SLC18B1: variants seen among roughly 807,000 people sequenced by gnomAD.
SLC18B1 encodes MFS-type transporter SLC18B1.
Under a neutral mutation model 53.9 loss-of-function variants are expected in SLC18B1, and 62 were observed. The observed-to-expected ratio is 1.15, with a 90% CI of 0.94 to 1.42. The LOEUF (loss-of-function observed/expected upper bound fraction) is 1.42, where lower values mean the gene tolerates loss of function less well. Among genes scored for constraint, SLC18B1 ranks in the 40% most tolerant of loss-of-function variants. The probability of loss-of-function intolerance (pLI) is 0.00; values close to 1 mark genes in which losing one functional copy is unlikely to be tolerated. For missense variants in SLC18B1, 598 were observed against 547.3 expected (o/e 1.09, Z -0.93); for synonymous variants, 217 against 200.9 (o/e 1.08, Z -0.68).
At chr6:132,796,254 C>T (rs1253481633) in intron 2 of SLC18B1, among the ~76,000 whole-genome samples, 8 of 147,248 alleles carry the variant, frequency 5.4e-5, no homozygotes, top group Admixed American at 4.8e-4. Context: ...ACTTGGGAGG[C>T]TGAGGCAGGA....
intron 10 of SLC18B1, 39 bp from the exon 11 acceptor site, chr6:132,772,245 A>T: frequency 7.3e-7 from 1 of 1,367,912 alleles, no homozygotes; most frequent in Non-Finnish European, 9.8e-7. Context: ...TATTAAAAGG[A>T]AAACCTGTGT....
rs568918230 is a variant in SLC18B1, at chr6:132,770,295, G to C, written c.1346C>G (p.Thr449Ser). 2.5e-6 allele frequency: 4 copies of C among 1,613,842 alleles called. No individual in the cohort carries two copies. In the South Asian group the frequency reaches 4.4e-5, roughly 18 times the overall value. ...CTAGGTTTCATTAGGCAAGAGAGTA[G>C]TTCGTTCCTCCTCTGTGCTGAGGAT... is the stretch of plus-strand genomic sequence containing the variant. ...QNILSTEEER[T>S]TLLPNET The change falls in exon 14 of 14, where the codon ACT becomes AGT. Residue 449 changes from threonine (T) to serine (S), a missense_variant. By Grantham distance (58) the Thr-to-Ser change is moderately conservative. Coordinates refer to ENST00000275227, the MANE Select transcript of SLC18B1 (RefSeq NM_052831.3).
chr6:132,782,044 C>G (rs1781250766), intron 6 of SLC18B1, among the ~76,000 whole-genome samples: 1 of 151,658 alleles, frequency 6.6e-6, no homozygotes, highest in African/African-American at 2.4e-5. Flanking sequence ...AAAAAGTACT[C>G]AGGTGTGGTG....
chr6:132,788,745 C>A (rs1047623987), intron 4 of SLC18B1, among the ~76,000 whole-genome samples: 2 of 150,908 alleles, frequency 1.3e-5, no homozygotes, highest in African/African-American at 4.9e-5. Flanking sequence ...GTGGCTTGAA[C>A]CTGGGAGGTG....
chr6:132,794,106 A>ATT (rs1405294283), intron 2 of SLC18B1, among the ~76,000 whole-genome samples: 47 of 135,494 alleles, frequency 3.5e-4, no homozygotes, highest in African/African-American at 1.1e-3. Flanking sequence ...TTTTTTTTTT[A>ATT]ATTTTTTTTT....
intron 8 of SLC18B1, among the ~76,000 whole-genome samples, chr6:132,775,339 G>A (rs1351911054): frequency 6.6e-6 from 1 of 152,156 alleles, no homozygotes; most frequent in Non-Finnish European, 1.5e-5. Context: ...TTTTGTTATA[G>A]TATCCTGAAT....
chr6:132,783,890 A>T, intron 6 of SLC18B1, 43 bp downstream of exon 6: 1 of 1,401,334 alleles, frequency 7.1e-7, no homozygotes. Flanking sequence ...AGGTATAAAA[A>T]TATATTTAAG....
intron 4 of SLC18B1, 115 bp from the exon 5 acceptor site, chr6:132,787,696 C>A: frequency 1.1e-6 from 1 of 874,628 alleles, no homozygotes; most frequent in South Asian, 3.7e-5. Context: ...TTAGAATAAA[C>A]CGCTTTAGAA....
chr6:132,784,086 T>C lies in SLC18B1; in HGVS notation c.505A>G (p.Ser169Gly). 1 of 1,557,748 alleles carries C rather than the reference T, an allele frequency of 6.4e-7. No homozygotes were observed. The highest frequency in any genetic ancestry group is 1.7e-4 in the Middle Eastern group (1 of 5,824). ...FPNNVATVLG[S>G]LETFSGLGLI... ...CCCAGTCCAGAAAAAGTCTCAAGAC[T>C]TCCCTTAAAATGAGAAAAAGAAAAA... The change falls in exon 6 of 14, where the codon AGT (serine) becomes GGT (glycine). Residue 169 changes from serine to glycine, a missense_variant. Transcript: ENST00000275227.
At chr6:132,791,343 CT>C (rs577243903) in intron 2 of SLC18B1, among the ~76,000 whole-genome samples, 1 of 152,216 alleles carries the variant, frequency 6.6e-6, no homozygotes, top group Non-Finnish European at 1.5e-5. Context: ...TACTTTTGCA[CT>C]CTTCAACATC....
chr6:132,771,179 T>C, intron 11 of SLC18B1, 50 bp from the exon 12 acceptor site: 1 of 1,502,760 alleles, frequency 6.7e-7, no homozygotes, highest in Non-Finnish European at 9.2e-7. Flanking sequence ...AAATAAATAA[T>C]TACTTCATGA....
In SLC18B1 at chr6:132,797,089, G is replaced by A. The variant is rs1781713338; in HGVS notation, c.76C>T (p.Pro26Ser). 1 of 1,614,034 alleles carries A rather than the reference G, an allele frequency of 6.2e-7. No individual in the cohort carries two copies. The highest frequency in any genetic ancestry group is 8.5e-7 in the Non-Finnish European group (1 of 1,180,010). The change falls in exon 2 of 14, where the codon CCC becomes TCC. Residue 26 changes from proline (P) to serine (S), a missense_variant. Physicochemically the swap from Pro to Ser is moderately conservative, Grantham distance 74. Transcript: ENST00000275227. ...DDPAGSAGET[P>S]GWLSREQVFV... ...ACCTGTTCTCTCGAAAGCCACCCGG[G>A]GGTCTCTCCTGCACTTCCTGCAGGA...
At chr6:132,783,606 T>C (rs932623784) in intron 6 of SLC18B1, among the ~76,000 whole-genome samples, 1 of 152,382 alleles carries the variant, frequency 6.6e-6, no homozygotes. Flanking sequence ...TCCTAGCTTA[T>C]AGCCTTCTAG....
chr6:132,772,720 A>T (rs890329776), intron 10 of SLC18B1, among the ~76,000 whole-genome samples: 3 of 152,116 alleles, frequency 2.0e-5, no homozygotes, highest in African/African-American at 7.2e-5. Context: ...AGACCTATCT[A>T]TTTTGCTTTA....
intron 6 of SLC18B1, among the ~76,000 whole-genome samples, chr6:132,780,736 A>C (rs952002267): frequency 1.1e-4 from 17 of 151,630 alleles, no homozygotes; most frequent in Admixed American, 9.9e-4. Flanking sequence ...TAATTTTTGT[A>C]TTTTTAGTAG....
intron 2 of SLC18B1, among the ~76,000 whole-genome samples, chr6:132,791,270 T>C (rs946422286): frequency 6.6e-6 from 1 of 152,214 alleles, no homozygotes; most frequent in African/African-American, 2.4e-5. Flanking sequence ...AGATCCATCC[T>C]TTTGGCAGAG....
In SLC18B1 at chr6:132,787,592, A is replaced by G. The variant is rs1245367453; in HGVS notation, c.354-11T>C. ...ACTCGGTCCAATACACTAAAAAGGA[A>G]TAAGACAATTCTGAAATGCCAAGCT... On this transcript the variant is annotated splice_polypyrimidine_tract_variant and intron_variant, in intron 4 of 13. Coordinates refer to ENST00000275227, the MANE Select transcript of SLC18B1 (RefSeq NM_052831.3). The G allele has an allele frequency of 6.5e-7, 1 of 1,533,676 alleles. No homozygotes were observed. The highest frequency in any genetic ancestry group is 8.7e-7 in the Non-Finnish European group (1 of 1,147,242).
intron 9 of SLC18B1, among the ~76,000 whole-genome samples, 198 bp from the exon 10 acceptor site, chr6:132,773,286 G>T (rs1429438965): frequency 1.5e-5 from 2 of 134,478 alleles, no homozygotes; most frequent in Admixed American, 7.5e-5. Context: ...TTGGGGGCGG[G>T]GGGGTGGGGG....
intron 9 of SLC18B1, 44 bp from the exon 10 acceptor site, chr6:132,773,132 T>C (rs1781016841): frequency 1.4e-6 from 2 of 1,408,486 alleles, no homozygotes; most frequent in Non-Finnish European, 1.0e-6. Context: ...AAGAAAAACA[T>C]TAGCGTTTTA....
Sources: allele counts gnomAD v4.1 joint callset (sites outside exome capture counted in the v4.1 genomes callset), GRCh38; gene constraint gnomAD v4.1.1; transcripts MANE v1.5; gene names NCBI Gene and HGNC (gene_info 2026-07-23, HGNC 2026-07-21).